The following EIF3L variants were observed in gnomAD, a reference collection of about 807,000 sequenced individuals.
EIF3L encodes the protein eukaryotic translation initiation factor 3 subunit L, also known as eIEF associated protein HSPC021.
Under a neutral mutation model 74.6 loss-of-function variants are expected in EIF3L, and 32 were observed. That is an observed-to-expected ratio of 0.43 (90% confidence interval 0.32 to 0.58). The LOEUF (loss-of-function observed/expected upper bound fraction) is 0.58, where lower values mean the gene tolerates loss of function less well. Among genes scored for constraint, EIF3L ranks in the 20% least tolerant of loss-of-function variants. The pLI is 0.06. For synonymous variants in EIF3L, 256 were observed against 254.4 expected (o/e 1.01, Z -0.06); for missense variants, 474 against 707.8 (o/e 0.67, Z 3.75).
chr22:37,868,090 T>C (rs1926255809), intron 7 of EIF3L, among the ~76,000 whole-genome samples: 1 of 151,326 alleles, frequency 6.6e-6, no homozygotes, highest in Non-Finnish European at 1.5e-5. Flanking sequence ...TTTAATTGCA[T>C]TACGAGAATT....
chr22:37,888,820 G>A lies in EIF3L; in HGVS notation c.*356G>A. On this transcript the variant is annotated 3_prime_UTR_variant, in exon 13 of 13. Coordinates refer to ENST00000652021, the MANE Select transcript of EIF3L (RefSeq NM_016091.4). The stretch of plus-strand genomic sequence containing the variant: ...TGCAGTAGCGTGATCTCAGTTCGTT[G>A]CATCCTCCGCTGCCCAGGTTCAAGC... 4.5e-6 allele frequency: 1 copy of A among 224,032 alleles called. No homozygotes were observed. Among genetic ancestry groups the A allele is most frequent in the Non-Finnish European group, 8.8e-6 (1 of 113,654 alleles). The allele number at this position is 224,032 out of a possible 1,614,324, so 13.9% of individuals were successfully genotyped here. A position where few individuals can be genotyped will look rare whatever the true frequency, so the allele number is the denominator to read the frequency against.
chr22:37,859,977 A>G (rs961569177), intron 5 of EIF3L, among the ~76,000 whole-genome samples: 6 of 152,030 alleles, frequency 3.9e-5, no homozygotes, highest in Non-Finnish European at 8.8e-5. Context: ...GTACCACTGC[A>G]CTCCAGCCTG....
At position 37,875,998 on chromosome 22, in the gene EIF3L, A is replaced by T. The variant is rs1215276616; in HGVS notation, c.1064A>T (p.Tyr355Phe). ...AAGAGCATGTTCCAGAGGACCACGT[A>T]CAAGTATGAGATGGTAAGGGGGACT... is the stretch of plus-strand genomic sequence containing the variant. ...RTKSMFQRTT[Y>F]KYEMINKQNE... Residue 355 changes from tyrosine (Y) to phenylalanine (F), a missense_variant, in exon 10 of 13, where the codon TAC (tyrosine) becomes TTC (phenylalanine). Around this residue, in one of 4 missense-constraint regions of EIF3L, gnomAD observed 293 missense variants for 469.1 expected, o/e 0.62. Coordinates refer to ENST00000652021, the MANE Select transcript of EIF3L (RefSeq NM_016091.4). The T allele has an allele frequency of 6.2e-7, 1 of 1,613,842 alleles. No individual in the cohort carries two copies. Among genetic ancestry groups the T allele is most frequent in the Non-Finnish European group, 8.5e-7 (1 of 1,179,798 alleles).
intron 9 of EIF3L, among the ~76,000 whole-genome samples, 173 bp from the exon 10 acceptor site, chr22:37,875,668 C>T (rs1926707336): frequency 6.6e-6 from 1 of 152,130 alleles, no homozygotes. Flanking sequence ...ATGGATTCCT[C>T]AAAACATACA....
chr22:37,853,282 C>T (rs773522269), intron 3 of EIF3L, among the ~76,000 whole-genome samples: 9 of 151,920 alleles, frequency 5.9e-5, no homozygotes, highest in Non-Finnish European at 1.3e-4. Flanking sequence ...CTGAGGGGCA[C>T]AAGGCAGAAG....
chr22:37,887,220 A>ATG, intron 12 of EIF3L: 2 of 158,010 alleles, frequency 1.3e-5, no homozygotes, highest in South Asian at 1.7e-4. Flanking sequence ...ATGAGCCACC[A>ATG]TGCCTGGCCT....
chr22:37,872,213 G>A (rs1245484017), intron 8 of EIF3L, among the ~76,000 whole-genome samples: 1 of 152,036 alleles, frequency 6.6e-6, no homozygotes, highest in Non-Finnish European at 1.5e-5. Context: ...TGCCTCCGGG[G>A]TTCAAGCGAT....
chr22:37,851,055 G>A (rs1925185091), intron 2 of EIF3L, among the ~76,000 whole-genome samples: 1 of 152,180 alleles, frequency 6.6e-6, no homozygotes, highest in Admixed American at 6.6e-5. Context: ...CTTGGGAGAA[G>A]GGTGCAAAAC....
rs754308322 is a variant in EIF3L, at chr22:37,849,459, C to T, written c.10C>T (p.Pro4Ser). The T allele has an allele frequency of 1.2e-6, 2 of 1,612,630 alleles. No homozygotes were observed. Among genetic ancestry groups the T allele is most frequent in the Non-Finnish European group, 1.7e-6 (2 of 1,179,194 alleles). ...CGCAAGCGAGGCAGCCATGTCTTATCCCGCTGATGATTATGAGTCTGAGGT... is the reference window on the plus strand; with the variant it reads ...CGCAAGCGAGGCAGCCATGTCTTATTCCGCTGATGATTATGAGTCTGAGGT... MSYPADDYESEAAY... is the reference protein window; with the variant it reads MSYSADDYESEAAY... The change falls in exon 1 of 13, where the codon CCC becomes TCC. Residue 4 changes from proline (P) to serine (S), a missense_variant. Physicochemically the swap from Pro to Ser is moderately conservative, Grantham distance 74 (BLOSUM62 -1). Around this residue, in one of 4 missense-constraint regions of EIF3L, gnomAD observed 39 missense variants for 24.2 expected, o/e 1.61. Transcript: ENST00000652021.
chr22:37,862,470 G>A (rs955815587), intron 5 of EIF3L, among the ~76,000 whole-genome samples: 4 of 152,204 alleles, frequency 2.6e-5, no homozygotes, highest in African/African-American at 9.7e-5. Flanking sequence ...TATGTAATGA[G>A]TGGGCATGGC....
At chr22:37,866,321 G>A (rs549834611) in intron 7 of EIF3L, among the ~76,000 whole-genome samples, 18 of 152,274 alleles carry the variant, frequency 1.2e-4, no homozygotes, top group African/African-American at 3.9e-4. Context: ...CTCTGATGAT[G>A]AACCTTTGGG....
chr22:37,861,749 T>C (rs1925869812), intron 5 of EIF3L, among the ~76,000 whole-genome samples: 1 of 152,200 alleles, frequency 6.6e-6, no homozygotes, highest in African/African-American at 2.4e-5. Flanking sequence ...TTTGTGGATA[T>C]GCTAAGAATC....
chr22:37,862,872 A>G (rs1925934474), intron 5 of EIF3L, 97 bp from the exon 6 acceptor site: 4 of 869,846 alleles, frequency 4.6e-6, no homozygotes, highest in East Asian at 5.1e-5. Context: ...ACAGATACCA[A>G]TTCTCTTGTA....
chr22:37,862,948 T>G, intron 5 of EIF3L, 21 bp from the exon 6 acceptor site: 1 of 1,572,590 alleles, frequency 6.4e-7, no homozygotes, highest in Non-Finnish European at 8.7e-7. Flanking sequence ...TGTATCTTGA[T>G]ATCTCTTGTT....
chr22:37,886,211 T>G (rs1243150075), intron 11 of EIF3L: 1 of 131,032 alleles, frequency 7.6e-6, no homozygotes, highest in Non-Finnish European at 1.6e-5. Context: ...AAAAAAAGAC[T>G]AGAAAATAAA....
chr22:37,889,125 C>T lies in EIF3L; in HGVS notation c.*661C>T, dbSNP rs938977016. 2 of 152,188 alleles carry T rather than the reference C, an allele frequency of 1.3e-5. No individual in the cohort carries two copies. The highest frequency in any genetic ancestry group is 4.8e-5 in the African/African-American group (2 of 41,430). The allele number at this position is 152,188 out of a possible 1,614,324, so 9.4% of individuals were successfully genotyped here. On this transcript the variant is annotated 3_prime_UTR_variant, in exon 13 of 13. Transcript: ENST00000652021. ...AGTGTACTGGCGCGATCTCGGCTCA[C>T]TGCAAGCTCCACCTCCCAGGTTCCT...
At chr22:37,884,232 G>C (rs1927205617) in intron 11 of EIF3L, 1 of 152,154 alleles carries the variant, frequency 6.6e-6, no homozygotes, top group Non-Finnish European at 1.5e-5. Flanking sequence ...GCATGTGTCA[G>C]TACATTCCTT....
intron 3 of EIF3L, among the ~76,000 whole-genome samples, chr22:37,855,119 G>T (rs1272541305): frequency 6.6e-6 from 1 of 152,184 alleles, no homozygotes; most frequent in African/African-American, 2.4e-5. Context: ...GTTTGGATTG[G>T]ATAGGCAGCA....
In EIF3L at chr22:37,863,291, C is replaced by G. The variant is rs1925961093; in HGVS notation, c.525C>G (p.Pro175=). Residue 175 remains proline (P), a synonymous_variant, in exon 7 of 13, where the codon CCC becomes CCG. Transcript: ENST00000652021. ...GCACAGATGCCGATGGTCCTGCTCC[C>G]CTTGAACTACCCAACCAGTGGCTCT... ...NYILNADGPA[P]LELPNQWLWD... is the part of the protein sequence containing the mutation. 1 of 1,613,900 alleles carries G rather than the reference C, an allele frequency of 6.2e-7. No homozygotes were observed. Among genetic ancestry groups the G allele is most frequent in the Admixed American group, 1.7e-5 (1 of 59,942 alleles).
Sources: allele counts gnomAD v4.1 joint callset (sites outside exome capture counted in the v4.1 genomes callset), GRCh38; gene constraint gnomAD v4.1.1; regional missense constraint gnomAD v4.1.1; transcripts MANE v1.5; gene names NCBI Gene and HGNC (gene_info 2026-07-23, HGNC 2026-07-21).